TRABD: variants seen among roughly 807,000 people sequenced by gnomAD.
TRABD encodes TraB domain containing, also known as traB domain-containing protein.
Under a neutral mutation model 39.6 loss-of-function variants are expected in TRABD, and 23 were observed. The observed-to-expected ratio is 0.58, with a 90% CI of 0.42 to 0.82. The LOEUF is 0.82. TRABD is among the 40% of genes least tolerant of loss of function. The pLI, the probability that TRABD is intolerant of heterozygous loss-of-function variation, is 0.00. For synonymous variants in TRABD, 243 were observed against 232.1 expected, an observed-to-expected ratio of 1.05 and a Z score of -0.43; for missense variants, 487 against 544.9, an observed-to-expected ratio of 0.89 and a Z score of 1.06.
In TRABD at chr22:50,197,255, G is replaced by C. The variant is rs758143101; in HGVS notation, c.435G>C (p.Ser145=). ...TCTCTCTGCAGAACGGGCTCATGTC[G>C]GGGCTGATGCAGATGCTGCTGCTGA... ...QQAVRQNGLM[S]GLMQMLLLKV... The change falls in exon 6 of 10, where the codon TCG becomes TCC. Residue 145 remains serine (S), a synonymous_variant. Coordinates refer to ENST00000380909, the MANE Select transcript of TRABD (RefSeq NM_001320485.2). 2 of 1,613,390 alleles carry C rather than the reference G, an allele frequency of 1.2e-6. No individual in the cohort carries two copies. The highest frequency in any genetic ancestry group is 1.7e-6 in the Non-Finnish European group (2 of 1,179,928).
rs1264357697 is a variant in TRABD at position 50,199,009 on chromosome 22, TCCTGGC to T, written c.*498_*503del. ...AGCCGACCCCACCGTGCCCCTGGCA[TCCTGGC>T]CCTGGCCGCCACCTCCCTGGCACCG... On this transcript the variant is annotated 3_prime_UTR_variant, in exon 10 of 10. Coordinates refer to ENST00000380909, the MANE Select transcript of TRABD (RefSeq NM_001320485.2). 1 of 668,194 alleles carries T rather than the reference TCCTGGC, an allele frequency of 1.5e-6. No individual in the cohort carries two copies. The highest frequency in any genetic ancestry group is 2.8e-6 in the Non-Finnish European group (1 of 356,754). 41.4% of individuals were successfully genotyped at this position (668,194 alleles called of 1,614,324 possible).
At chr22:50,188,674 T>C (rs921016955) in intron 1 of TRABD, among the ~76,000 whole-genome samples, 3 of 152,140 alleles carry the variant, frequency 2.0e-5, no homozygotes, top group African/African-American at 7.2e-5. Context: ...AATACCTTCA[T>C]AGTGGGAGTT....
intron 1 of TRABD, 144 bp downstream of exon 1, chr22:50,186,120 G>GC (rs905953335): frequency 7.0e-6 from 1 of 142,718 alleles, no homozygotes; most frequent in African/African-American, 2.6e-5. Flanking sequence ...GGGGCGGGGG[G>GC]GGTCAGGCCC....
intron 1 of TRABD, among the ~76,000 whole-genome samples, chr22:50,188,987 A>G (rs1436561417): frequency 6.6e-6 from 1 of 152,226 alleles, no homozygotes; most frequent in Non-Finnish European, 1.5e-5. Flanking sequence ...ACAGAGGATC[A>G]TGGTTTCCAA....
rs1254220964 is a variant in TRABD, at chr22:50,198,847, G to A, written c.*328G>A. 5.5e-6 allele frequency: 3 copies of A among 542,282 alleles called. No homozygotes were observed. The highest frequency in any genetic ancestry group is 3.1e-5 in the East Asian group (1 of 32,084). 33.6% of individuals were successfully genotyped at this position (542,282 alleles called of 1,614,324 possible). ...CGTGCGCTGCCCTCTCAGCCCTGGT[G>A]GCAGGCGGGGGACAATGGCCACTGT... On this transcript the variant is annotated 3_prime_UTR_variant, in exon 10 of 10. Coordinates refer to ENST00000380909, the MANE Select transcript of TRABD (RefSeq NM_001320485.2). The surrounding 1 kb of genome is among the most constrained non-coding windows in gnomAD (Gnocchi z 7.9).
Position 50,197,451 on chromosome 22 carries a change from C to A in TRABD, c.534C>A (p.Ala178=). The A allele has an allele frequency of 6.2e-7, 1 of 1,613,776 alleles. No homozygotes were observed. The highest frequency in any genetic ancestry group is 8.5e-7 in the Non-Finnish European group (1 of 1,179,972). The change falls in exon 7 of 10, where the codon GCC becomes GCA. Residue 178 remains alanine, a splice_region_variant and synonymous_variant. Coordinates refer to ENST00000380909, the MANE Select transcript of TRABD (RefSeq NM_001320485.2). ...GGEFREAFKE[A]SKVPFCKFHL... ...CCAACACCCAGCCTCTGCTCCAGGC[C>A]AGCAAGGTGCCTTTCTGCAAGTTCC... is the stretch of plus-strand genomic sequence containing the variant.
chr22:50,192,814 G>A (rs1041628775), intron 1 of TRABD, among the ~76,000 whole-genome samples: 24 of 152,386 alleles, frequency 1.6e-4, no homozygotes, highest in Admixed American at 9.1e-4. Flanking sequence ...TGGGGTGTCT[G>A]GGGACCTGCT....
Position 50,185,917 on chromosome 22 carries a change from C to A in TRABD, c.-94C>A, listed in dbSNP as rs905963181. 2 of 149,926 alleles carry A rather than the reference C, an allele frequency of 1.3e-5. No homozygotes were observed. Among genetic ancestry groups the A allele is most frequent in the African/African-American group, 2.4e-5 (1 of 41,212 alleles). 9.3% of individuals were successfully genotyped at this position (149,926 alleles called of 1,614,324 possible). A position where few individuals can be genotyped will look rare whatever the true frequency, so the allele number is the denominator to read the frequency against. On this transcript the variant is annotated 5_prime_UTR_variant, in exon 1 of 10. Transcript: ENST00000380909. ...CCCGCCCCGCGGCCCCAGCCCGCCC[C>A]GTCCGTTGAGGGCCCGCGCCGCATG...
At chr22:50,189,962 A>C (rs5771218) in intron 1 of TRABD, among the ~76,000 whole-genome samples, 2 of 152,316 alleles carry the variant, frequency 1.3e-5, no homozygotes, top group East Asian at 3.9e-4. Context: ...ACCGCCAGGC[A>C]GCTGGGAGAG....
rs756193270 is a variant in TRABD, at chr22:50,193,566, C to G, written c.34-10C>G. On this transcript the variant is annotated splice_polypyrimidine_tract_variant and intron_variant, in intron 2 of 9. Coordinates refer to ENST00000380909, the MANE Select transcript of TRABD (RefSeq NM_001320485.2). ...TGGACCCTGACTTGAACTCTCCTTT[C>G]CACCTGCAGGCCAACGTGGAACCTG... The G allele has an allele frequency of 3.7e-6, 6 of 1,613,576 alleles. No homozygotes were observed. In the East Asian group the frequency reaches 1.3e-4, roughly 36 times the overall value.
chr22:50,195,685 A>G (rs2064078230), intron 5 of TRABD, among the ~76,000 whole-genome samples: 1 of 151,738 alleles, frequency 6.6e-6, no homozygotes, highest in African/African-American at 2.4e-5. Flanking sequence ...GTTCATCTCA[A>G]ACTCCTGAGC....
Position 50,190,620 on chromosome 22 carries a change from C to T in TRABD, c.-34-2407C>T, listed in dbSNP as rs759615886. On this transcript the variant is annotated intron_variant, in intron 1 of 9. Transcript: ENST00000380909. The stretch of plus-strand genomic sequence containing the variant: ...TCCCCGGTGTGCCTCGGCAGCCTTG[C>T]GCTGCTCTAATGGTCCGGACTTCCG... The T allele has an allele frequency of 2.2e-3, 334 of 152,528 alleles. 3 individuals carry two copies. The highest frequency in any genetic ancestry group is 3.6e-3 in the Non-Finnish European group (246 of 68,164). 9.4% of individuals were successfully genotyped at this position (152,528 alleles called of 1,614,324 possible).
rs763869961 is a variant in TRABD at position 50,198,465 on chromosome 22, G to A, written c.1077G>A (p.Ser359=). 25 of 1,594,696 alleles carry A rather than the reference G, an allele frequency of 1.6e-5. No individual in the cohort carries two copies. In the Admixed American group the frequency reaches 2.0e-4, roughly 13 times the overall value. Residue 359 remains serine, a synonymous_variant, in exon 10 of 10, where the codon TCG becomes TCA. Transcript: ENST00000380909. This position sits in a 1 kb window ranked among gnomAD's most constrained non-coding sequence, Gnocchi z 7.9. ...MGRRTASLVL[S]LPAAQYCLQR... ...GCCGCACCGCGAGCCTGGTCCTGTC[G>A]CTGCCCGCCGCGCAGTACTGCCTGC...
intron 2 of TRABD, 140 bp from the exon 3 acceptor site, chr22:50,193,436 G>A (rs1194674552): frequency 7.4e-6 from 6 of 809,152 alleles, no homozygotes; most frequent in South Asian, 4.9e-5. Flanking sequence ...GAGCGGTCAC[G>A]GGCCCTCGTT....
intron 1 of TRABD, among the ~76,000 whole-genome samples, chr22:50,187,115 G>A (rs1327837954): frequency 3.9e-5 from 6 of 152,250 alleles, no homozygotes; most frequent in Non-Finnish European, 8.8e-5. Flanking sequence ...CAGCCTCGCC[G>A]GAGGCCCTGA....
intron 1 of TRABD, chr22:50,190,593 T>C (rs1200434904): frequency 6.6e-6 from 1 of 152,162 alleles, no homozygotes; most frequent in Non-Finnish European, 1.5e-5. Context: ...CTTTAAGGAG[T>C]TTCCCCGGTG....
chr22:50,198,645 G>A lies in TRABD; in HGVS notation c.*126G>A, dbSNP rs3747940. On this transcript the variant is annotated 3_prime_UTR_variant, in exon 10 of 10. Transcript: ENST00000380909. The surrounding 1 kb of genome is among the most constrained non-coding windows in gnomAD (Gnocchi z 7.9). ...CCCATGGGGGTCTGGGCCCGGCCTC[G>A]CCTGCCCTCCTGGGCCAGTCACCCC... 2.5e-4 allele frequency: 247 copies of A among 996,002 alleles called. No homozygotes were observed. The East Asian group carries it at 4.6e-3, about 19-fold the overall frequency. The allele number at this position is 996,002 out of a possible 1,614,324, so 61.7% of individuals were successfully genotyped here.
At chr22:50,194,281 G>A in intron 3 of TRABD, 59 bp from the exon 4 acceptor site, 1 of 1,576,058 alleles carries the variant, frequency 6.3e-7, no homozygotes, top group Non-Finnish European at 8.6e-7. Flanking sequence ...GCTGCCAGCG[G>A]GCCCGGCGGC....
In TRABD at chr22:50,185,931, C is replaced by T. The variant is rs989496176; in HGVS notation, c.-80C>T. 1.3e-5 allele frequency: 2 copies of T among 149,512 alleles called. No homozygotes were observed. The allele number at this position is 149,512 out of a possible 1,614,324, so 9.3% of individuals were successfully genotyped here. A position where few individuals can be genotyped will look rare whatever the true frequency, so the allele number is the denominator to read the frequency against. ...CCAGCCCGCCCCGTCCGTTGAGGGC[C>T]CGCGCCGCATGGAGGCCGGCTGAGG... On this transcript the variant is annotated 5_prime_UTR_variant, in exon 1 of 10. Transcript: ENST00000380909.
Sources: allele counts gnomAD v4.1 joint callset (sites outside exome capture counted in the v4.1 genomes callset), GRCh38; gene constraint gnomAD v4.1.1; non-coding constraint Gnocchi (gnomAD v3.1); transcripts MANE v1.5; gene names NCBI Gene and HGNC (gene_info 2026-07-23, HGNC 2026-07-21).